SPAG16: variants seen among roughly 807,000 people sequenced by gnomAD.
The protein encoded by SPAG16 is sperm associated antigen 16, also known as sperm-associated antigen 16 protein.
SPAG16 carries 86 observed loss-of-function variants against 80.4 expected under a neutral mutation model. That is an observed-to-expected ratio of 1.07 (90% CI 0.90 to 1.28). The LOEUF (loss-of-function observed/expected upper bound fraction) is 1.28. SPAG16 is among the 50% of genes most tolerant of loss of function. The pLI, the probability that SPAG16 is intolerant of heterozygous loss-of-function variation, is 0.00. For missense variants in SPAG16, 870 were observed against 765.3 expected, an observed-to-expected ratio of 1.14 and a Z score of -1.61; for synonymous variants, 294 against 265.9, an observed-to-expected ratio of 1.11 and a Z score of -1.03.
chr2:213,380,738 A>G (rs11679771), intron 9 of SPAG16, among the ~76,000 whole-genome samples: 148,571 of 152,234 alleles, frequency 0.98, 72,601 homozygotes, highest in East Asian at 1. Context: ...TCCATAATCC[A>G]AGAGGCCTCC....
intron 10 of SPAG16, among the ~76,000 whole-genome samples, chr2:213,805,992 G>T (rs1400449974): frequency 6.6e-6 from 1 of 151,994 alleles, no homozygotes; most frequent in Non-Finnish European, 1.5e-5. Flanking sequence ...TTGAAAATTA[G>T]ATATGCTGGA....
intron 15 of SPAG16, among the ~76,000 whole-genome samples, chr2:214,302,620 A>G (rs1395605555): frequency 6.6e-6 from 1 of 152,022 alleles, no homozygotes; most frequent in Non-Finnish European, 1.5e-5. Flanking sequence ...AGCTGGAATT[A>G]TAGGTGTGCA....
chr2:213,807,312 G>C (rs963640779), intron 10 of SPAG16, among the ~76,000 whole-genome samples: 1 of 151,966 alleles, frequency 6.6e-6, no homozygotes, highest in African/African-American at 2.4e-5. Flanking sequence ...GCAGATGTCA[G>C]AAATCATAGG....
intron 15 of SPAG16, among the ~76,000 whole-genome samples, chr2:214,234,217 C>A (rs1283989301): frequency 4.6e-5 from 7 of 152,184 alleles, no homozygotes; most frequent in Non-Finnish European, 1.0e-4. Context: ...AGGACATGAT[C>A]TCATTCCTTT....
intron 10 of SPAG16, among the ~76,000 whole-genome samples, chr2:213,498,639 G>T (rs2074598055): frequency 6.6e-6 from 1 of 152,038 alleles, no homozygotes; most frequent in African/African-American, 2.4e-5. Context: ...CAACTTGCAT[G>T]TCTTGTGAGC....
chr2:213,830,031 C>T (rs890902417), intron 10 of SPAG16, among the ~76,000 whole-genome samples: 10 of 152,242 alleles, frequency 6.6e-5, no homozygotes, highest in African/African-American at 9.6e-5. Context: ...CTAGGTCACA[C>T]GACCCCAAGT....
chr2:214,093,392 T>C (rs2052354338), intron 13 of SPAG16, among the ~76,000 whole-genome samples: 1 of 152,002 alleles, frequency 6.6e-6, no homozygotes, highest in Non-Finnish European at 1.5e-5. Context: ...CTATTCCTTC[T>C]ATACATTTTA....
intron 10 of SPAG16, among the ~76,000 whole-genome samples, chr2:213,818,938 A>G (rs1198657217): frequency 1.3e-5 from 2 of 152,178 alleles, no homozygotes; most frequent in African/African-American, 2.4e-5. Flanking sequence ...TTGTGAGTCA[A>G]TTAAACCTCT....
At chr2:213,903,609 C>T (rs1297599494) in intron 11 of SPAG16, among the ~76,000 whole-genome samples, 2 of 152,160 alleles carry the variant, frequency 1.3e-5, no homozygotes, top group Non-Finnish European at 2.9e-5. Flanking sequence ...GAGGGGCTGC[C>T]ATGAAAACCT....
chr2:214,050,650 A>G (rs2049595405), intron 13 of SPAG16, among the ~76,000 whole-genome samples: 1 of 152,162 alleles, frequency 6.6e-6, no homozygotes. Context: ...AGTATTATGT[A>G]TTTTAAAAAG....
At chr2:214,370,145 T>C (rs1699720789) in intron 15 of SPAG16, among the ~76,000 whole-genome samples, 1 of 152,168 alleles carries the variant, frequency 6.6e-6, no homozygotes. Context: ...TGCCCCATAG[T>C]TTCCTGAGTA....
chr2:214,068,026 A>T (rs1485960051), intron 13 of SPAG16, among the ~76,000 whole-genome samples: 1 of 152,188 alleles, frequency 6.6e-6, no homozygotes, highest in Non-Finnish European at 1.5e-5. Context: ...TCTATATGGA[A>T]GCCGTGCAGT....
At chr2:213,291,150 A>G (rs182072109) in intron 1 of SPAG16, among the ~76,000 whole-genome samples, 146 of 152,198 alleles carry the variant, frequency 9.6e-4, no homozygotes, top group East Asian at 6.0e-3. Flanking sequence ...TATGAGACCT[A>G]TGGTATCTGC....
intron 15 of SPAG16, among the ~76,000 whole-genome samples, chr2:214,187,539 C>T (rs2057518388): frequency 6.6e-6 from 1 of 152,128 alleles, no homozygotes; most frequent in Admixed American, 6.5e-5. Flanking sequence ...AGCAATTAAA[C>T]TAACATCTTA....
At chr2:213,351,568 C>G (rs897819072) in intron 7 of SPAG16, among the ~76,000 whole-genome samples, 3 of 152,090 alleles carry the variant, frequency 2.0e-5, no homozygotes, top group Non-Finnish European at 2.9e-5. Context: ...CACTTTAAAA[C>G]CATTTATCAG....
intron 11 of SPAG16, among the ~76,000 whole-genome samples, chr2:213,910,827 G>C (rs978388826): frequency 1.3e-5 from 2 of 152,166 alleles, no homozygotes; most frequent in Non-Finnish European, 1.5e-5. Context: ...ATCATTAAAA[G>C]TATATCAACC....
chr2:213,496,972 T>C (rs181046684), intron 10 of SPAG16, among the ~76,000 whole-genome samples: 2 of 151,888 alleles, frequency 1.3e-5, no homozygotes, highest in Non-Finnish European at 2.9e-5. Context: ...AAATTTTGCA[T>C]TTCTAAGAGA....
intron 12 of SPAG16, among the ~76,000 whole-genome samples, chr2:213,956,601 C>T (rs879862594): frequency 6.6e-6 from 1 of 151,726 alleles, no homozygotes; most frequent in Non-Finnish European, 1.5e-5. Context: ...GTGCATGCCA[C>T]GACGCCTGGC....
intron 10 of SPAG16, among the ~76,000 whole-genome samples, chr2:213,517,715 G>A (rs998917718): frequency 3.3e-5 from 5 of 152,082 alleles, no homozygotes; most frequent in African/African-American, 4.8e-5. Flanking sequence ...AGGGCTCCCT[G>A]TTCAATAAAT....
Sources: allele counts gnomAD v4.1 joint callset (sites outside exome capture counted in the v4.1 genomes callset), GRCh38; gene constraint gnomAD v4.1.1; transcripts MANE v1.5; gene names NCBI Gene and HGNC (gene_info 2026-07-23, HGNC 2026-07-21).